Variants in ZFAND6 observed in about 807,000 individuals in gnomAD.
The protein encoded by ZFAND6 is AN1-type zinc finger protein 6.
ZFAND6 carries 12 observed loss-of-function variants against 24.5 expected under a neutral mutation model. The ratio of observed to expected loss-of-function variants is 0.49; its 90% CI spans 0.31 to 0.79. ZFAND6 has a LOEUF of 0.79. Ranked by LOEUF, ZFAND6 falls within the 30% of genes least tolerant of loss-of-function variation. ZFAND6 has a pLI of 0.04. For synonymous variants in ZFAND6, 92 were observed against 81.5 expected (o/e 1.13, Z -0.69); for missense variants, 207 against 245.9 (o/e 0.84, Z 1.06).
At chr15:80,110,999 A>G (rs1022339537) in intron 2 of ZFAND6, among the ~76,000 whole-genome samples, 9 of 152,222 alleles carry the variant, frequency 5.9e-5, no homozygotes, top group Non-Finnish European at 1.3e-4. Flanking sequence ...ATGTTCTATT[A>G]TCTAAAAGAG....
At chr15:80,062,301 C>G (rs998686706) in intron 1 of ZFAND6, among the ~76,000 whole-genome samples, 18 of 152,140 alleles carry the variant, frequency 1.2e-4, no homozygotes, top group African/African-American at 4.1e-4. Flanking sequence ...GCATTAGGAC[C>G]AAGGTGTTAT....
intron 2 of ZFAND6, among the ~76,000 whole-genome samples, chr15:80,117,285 C>T (rs534566312): frequency 2.0e-5 from 3 of 152,000 alleles, no homozygotes; most frequent in Admixed American, 6.6e-5. Context: ...TGCAGTGGCA[C>T]GATCTTGGCT....
chr15:80,084,578 G>A (rs1057296430), intron 1 of ZFAND6, among the ~76,000 whole-genome samples: 3 of 152,230 alleles, frequency 2.0e-5, no homozygotes, highest in African/African-American at 7.2e-5. Context: ...CGTGGGGGCA[G>A]TGTGTCAGAA....
chr15:80,134,957 T>G (rs75602166), intron 6 of ZFAND6, among the ~76,000 whole-genome samples: 450 of 152,310 alleles, frequency 3.0e-3, no homozygotes, highest in African/African-American at 0.011. Context: ...TGGTACCATA[T>G]GGAAACAATT....
chr15:80,128,620 G>A (rs1430882644), intron 5 of ZFAND6, among the ~76,000 whole-genome samples: 1 of 152,200 alleles, frequency 6.6e-6, no homozygotes, highest in Non-Finnish European at 1.5e-5. Flanking sequence ...TTCATTTGGT[G>A]ACTGTTGAAA....
At chr15:80,088,353 A>AG (rs1244479116) in intron 1 of ZFAND6, among the ~76,000 whole-genome samples, 3 of 152,112 alleles carry the variant, frequency 2.0e-5, no homozygotes, top group African/African-American at 7.2e-5. Flanking sequence ...GGATTACCTG[A>AG]GGTCAGGAGT....
chr15:80,134,902 T>G (rs759419671), intron 6 of ZFAND6, among the ~76,000 whole-genome samples: 2 of 152,236 alleles, frequency 1.3e-5, no homozygotes, highest in Non-Finnish European at 2.9e-5. Flanking sequence ...GTGGACCGTT[T>G]GGTGATATGA....
At chr15:80,126,362 G>T (rs1340753283) in intron 5 of ZFAND6, among the ~76,000 whole-genome samples, 1 of 152,132 alleles carries the variant, frequency 6.6e-6, no homozygotes, top group Admixed American at 6.5e-5. Context: ...AAAGTTGGAG[G>T]ACTAACAATT....
At chr15:80,116,164 T>A (rs2039870141) in intron 2 of ZFAND6, among the ~76,000 whole-genome samples, 1 of 151,740 alleles carries the variant, frequency 6.6e-6, no homozygotes, top group African/African-American at 2.4e-5. Context: ...ATATTGCAGG[T>A]CTGTTTATGT....
intron 1 of ZFAND6, among the ~76,000 whole-genome samples, chr15:80,094,238 C>G (rs1159541419): frequency 6.6e-6 from 1 of 152,220 alleles, no homozygotes; most frequent in Non-Finnish European, 1.5e-5. Context: ...AGGCCTGGTA[C>G]TAGTCTGTGG....
chr15:80,120,510 TAGTGAAA>T lies in ZFAND6; in HGVS notation c.154+13_154+19del, dbSNP rs760190986. The T allele has an allele frequency of 4.3e-5, 66 of 1,522,990 alleles. No homozygotes were observed. The highest frequency in any genetic ancestry group is 5.7e-5 in the Non-Finnish European group (64 of 1,125,292). 94.3% of individuals were successfully genotyped at this position (1,522,990 alleles called of 1,614,324 possible). ...AATAAGCCCACCTGGTAAGTAATTCTAGTGAAACCCGTCTATATTCATAATTGAAATA... is the reference window on the plus strand; with the variant it reads ...AATAAGCCCACCTGGTAAGTAATTCTCCCGTCTATATTCATAATTGAAATA... On this transcript the variant is annotated intron_variant, in intron 3 of 6. Coordinates refer to ENST00000261749, the MANE Select transcript of ZFAND6 (RefSeq NM_019006.4).
At position 80,131,190 on chromosome 15, in the gene ZFAND6, A is replaced by G. The variant is rs758638009; in HGVS notation, c.375A>G (p.Ser125=). ...PETEDVQASV[S]DTAQQPSEEQ... is the part of the protein sequence containing the mutation. Reference sequence around the variant, plus strand: ...TCGTATTTTTGTTAGCTTCAGTATCAGACACAGCACAGCAGCCATCTGAAG... The same window carrying G: ...TCGTATTTTTGTTAGCTTCAGTATCGGACACAGCACAGCAGCCATCTGAAG... Residue 125 remains serine (S), a synonymous_variant, in exon 6 of 7, where the codon TCA becomes TCG. Transcript: ENST00000261749. 1 of 1,589,398 alleles carries G rather than the reference A, an allele frequency of 6.3e-7. No homozygotes were observed. The highest frequency in any genetic ancestry group is 8.6e-7 in the Non-Finnish European group (1 of 1,167,250).
intron 2 of ZFAND6, among the ~76,000 whole-genome samples, chr15:80,115,652 T>TG: frequency 6.6e-6 from 1 of 152,300 alleles, no homozygotes; most frequent in East Asian, 1.9e-4. Flanking sequence ...CATGTAAAGG[T>TG]ACATTTTATG....
chr15:80,089,647 G>A (rs1418039887), intron 1 of ZFAND6, among the ~76,000 whole-genome samples: 3 of 152,152 alleles, frequency 2.0e-5, no homozygotes, highest in Non-Finnish European at 4.4e-5. Flanking sequence ...ACCATAGGCT[G>A]ATTGATGATC....
At chr15:80,094,586 C>G (rs2038602435) in intron 1 of ZFAND6, among the ~76,000 whole-genome samples, 1 of 151,848 alleles carries the variant, frequency 6.6e-6, no homozygotes, top group Non-Finnish European at 1.5e-5. Flanking sequence ...TATTCATTCT[C>G]TGTCATATTA....
intron 5 of ZFAND6, among the ~76,000 whole-genome samples, chr15:80,123,838 A>G (rs1455032477): frequency 2.0e-5 from 3 of 152,162 alleles, no homozygotes; most frequent in Non-Finnish European, 2.9e-5. Context: ...GTGCCACTGC[A>G]CTCCAGCCTG....
intron 2 of ZFAND6, among the ~76,000 whole-genome samples, chr15:80,119,294 T>TA (rs1214592784): frequency 6.6e-6 from 1 of 152,102 alleles, no homozygotes; most frequent in East Asian, 1.9e-4. Context: ...TATAAATACT[T>TA]AAAAAAATAA....
At chr15:80,099,746 A>C (rs939478952) in intron 2 of ZFAND6, among the ~76,000 whole-genome samples, 1 of 150,476 alleles carries the variant, frequency 6.6e-6, no homozygotes, top group African/African-American at 2.4e-5. Context: ...CCTCCTGAGC[A>C]GCTGGGACTA....
At chr15:80,136,355 C>T (rs1198461074) in intron 6 of ZFAND6, among the ~76,000 whole-genome samples, 1 of 151,982 alleles carries the variant, frequency 6.6e-6, no homozygotes, top group African/African-American at 2.4e-5. Flanking sequence ...ATCCCAGCTA[C>T]TCGGGAGACT....
Sources: allele counts gnomAD v4.1 joint callset (sites outside exome capture counted in the v4.1 genomes callset), GRCh38; gene constraint gnomAD v4.1.1; transcripts MANE v1.5; gene names NCBI Gene and HGNC (gene_info 2026-07-23, HGNC 2026-07-21).